HIKESHI: variants seen among roughly 807,000 people sequenced by gnomAD.
The protein encoded by HIKESHI is heat shock protein nuclear import factor hikeshi.
A neutral mutation model predicts 25.7 loss-of-function variants in HIKESHI; 13 were observed. The ratio of observed to expected loss-of-function variants is 0.51; its 90% CI spans 0.33 to 0.80. HIKESHI has a LOEUF of 0.80. Among genes scored for constraint, HIKESHI ranks in the 30% least tolerant of loss-of-function variants. The pLI, the probability that HIKESHI is intolerant of heterozygous loss-of-function variation, is 0.02. For synonymous variants in HIKESHI, 76 were observed against 78.7 expected, an observed-to-expected ratio of 0.97 and a Z score of 0.18; for missense variants, 174 against 229.5, an observed-to-expected ratio of 0.76 and a Z score of 1.56.
At chr11:86,328,424 A>C (rs1947338350) in intron 2 of HIKESHI, among the ~76,000 whole-genome samples, 1 of 149,352 alleles carries the variant, frequency 6.7e-6, no homozygotes, top group Non-Finnish European at 1.5e-5. Flanking sequence ...ATGCGCAGCT[A>C]ATGTTTTTTG....
chr11:86,302,861 G>C (rs1946532352), intron 1 of HIKESHI, among the ~76,000 whole-genome samples: 1 of 152,202 alleles, frequency 6.6e-6, no homozygotes, highest in South Asian at 2.1e-4. Flanking sequence ...TCAATCGCCA[G>C]TATAAATACC....
intron 3 of HIKESHI, among the ~76,000 whole-genome samples, chr11:86,341,230 T>A (rs1180598043): frequency 6.6e-6 from 1 of 152,248 alleles, no homozygotes; most frequent in African/African-American, 2.4e-5. Flanking sequence ...TCAGTATACA[T>A]TTTTGTTAAA....
chr11:86,328,198 A>C (rs578140992), intron 2 of HIKESHI, among the ~76,000 whole-genome samples: 5 of 152,260 alleles, frequency 3.3e-5, no homozygotes, highest in East Asian at 1.9e-4. Flanking sequence ...TTCATTTACT[A>C]TTCTAAGTGT....
intron 2 of HIKESHI, among the ~76,000 whole-genome samples, chr11:86,336,207 T>C (rs571054265): frequency 6.6e-6 from 1 of 152,254 alleles, no homozygotes; most frequent in Admixed American, 6.5e-5. Flanking sequence ...AGCAGACCCT[T>C]AGAGACCTGT....
intron 2 of HIKESHI, among the ~76,000 whole-genome samples, chr11:86,313,820 G>C (rs1228183538): frequency 6.6e-6 from 1 of 152,188 alleles, no homozygotes; most frequent in Non-Finnish European, 1.5e-5. Context: ...TGGAGGAGGT[G>C]ATATTGGAGC....
intron 2 of HIKESHI, among the ~76,000 whole-genome samples, chr11:86,308,801 T>A (rs1946755167): frequency 6.6e-6 from 1 of 151,992 alleles, no homozygotes; most frequent in Non-Finnish European, 1.5e-5. Flanking sequence ...TTCCCACCTA[T>A]GAGTGAGAAC....
At chr11:86,340,531 T>C (rs1448384847) in intron 3 of HIKESHI, among the ~76,000 whole-genome samples, 1 of 152,278 alleles carries the variant, frequency 6.6e-6, no homozygotes, top group Non-Finnish European at 1.5e-5. Context: ...CATGTATCTG[T>C]TGGCTGCATA....
At chr11:86,335,943 C>T (rs1947546253) in intron 2 of HIKESHI, among the ~76,000 whole-genome samples, 1 of 152,134 alleles carries the variant, frequency 6.6e-6, no homozygotes, top group African/African-American at 2.4e-5. Flanking sequence ...AAACTTCCCC[C>T]AGGGAAGCAC....
chr11:86,318,228 C>A (rs929343363), intron 2 of HIKESHI, among the ~76,000 whole-genome samples: 1 of 135,658 alleles, frequency 7.4e-6, no homozygotes, highest in Non-Finnish European at 1.5e-5. Flanking sequence ...GGCGTGAACC[C>A]GGGAGACGGA....
intron 2 of HIKESHI, among the ~76,000 whole-genome samples, chr11:86,313,840 G>C (rs901324907): frequency 9.2e-5 from 14 of 152,320 alleles, no homozygotes; most frequent in African/African-American, 3.4e-4. Context: ...CTCTTTGGCA[G>C]ACAAGTAGGA....
chr11:86,306,802 T>G (rs1946636623), intron 2 of HIKESHI, among the ~76,000 whole-genome samples: 1 of 151,242 alleles, frequency 6.6e-6, no homozygotes, highest in Non-Finnish European at 1.5e-5. Flanking sequence ...ATCGAGACCA[T>G]CCTGGATAAC....
At chr11:86,315,958 C>G (rs1946966878) in intron 2 of HIKESHI, among the ~76,000 whole-genome samples, 1 of 151,868 alleles carries the variant, frequency 6.6e-6, no homozygotes, top group Non-Finnish European at 1.5e-5. Flanking sequence ...AATATTGATT[C>G]TCCTTACAAG....
Position 86,306,297 on chromosome 11 carries a change from C to A in HIKESHI, c.83C>A (p.Pro28His). The change falls in exon 2 of 5, where the codon CCT (proline) becomes CAT (histidine). Residue 28 changes from proline to histidine, a missense_variant. Transcript: ENST00000278483. ...VAEDKFVFDL[P>H]DYESINHVVV... is the part of the protein sequence containing the mutation. ...GAGGATAAATTTGTTTTTGACTTAC[C>A]TGATTATGAAAGTATCAACCATGTT... 6.2e-7 allele frequency: 1 copy of A among 1,613,992 alleles called. No homozygotes were observed. Among genetic ancestry groups the A allele is most frequent in the Non-Finnish European group, 8.5e-7 (1 of 1,179,936 alleles).
At chr11:86,302,918 C>T (rs1168992978) in intron 1 of HIKESHI, among the ~76,000 whole-genome samples, 1 of 152,102 alleles carries the variant, frequency 6.6e-6, no homozygotes, top group Non-Finnish European at 1.5e-5. Context: ...TGAATTTGGT[C>T]TATAGCAAAC....
chr11:86,308,725 A>G (rs1302927905), intron 2 of HIKESHI, among the ~76,000 whole-genome samples: 2 of 151,298 alleles, frequency 1.3e-5, no homozygotes, highest in African/African-American at 4.9e-5. Flanking sequence ...CCCACTCCCC[A>G]CACCCCACAA....
chr11:86,326,038 C>T (rs773762639), intron 2 of HIKESHI, among the ~76,000 whole-genome samples: 1 of 152,184 alleles, frequency 6.6e-6, no homozygotes, highest in Non-Finnish European at 1.5e-5. Flanking sequence ...TGGCTCACGC[C>T]TGTAATCCCA....
intron 2 of HIKESHI, chr11:86,326,562 G>A (rs1947287593): frequency 2.2e-6 from 1 of 456,154 alleles, no homozygotes; most frequent in East Asian, 6.9e-5. Flanking sequence ...CTGCATGTGT[G>A]TGTGAATATT....
At chr11:86,316,341 G>C (rs531544528) in intron 2 of HIKESHI, among the ~76,000 whole-genome samples, 6 of 149,950 alleles carry the variant, frequency 4.0e-5, no homozygotes, top group African/African-American at 1.2e-4. Context: ...GTAAAACCCC[G>C]TCTCCACTAA....
rs35545393 is a variant in HIKESHI at position 86,304,512 on chromosome 11, CT to C, written c.31-1711del. 2.2e-3 allele frequency among the ~76,000 whole-genome samples: 248 copies of C among 112,540 alleles called. No individual in the cohort carries two copies. In the Middle Eastern group the frequency reaches 0.023, roughly 10 times the overall value. 73.8% of individuals were successfully genotyped at this position (112,540 alleles called of 152,430 possible). ...GCCAGTGTGTGAGTTGCACAACTCA[CT>C]TTTTTTTTTTTTTTTTTTTTTGAGA... On this transcript the variant is annotated intron_variant, in intron 1 of 4. Coordinates refer to ENST00000278483, the MANE Select transcript of HIKESHI (RefSeq NM_016401.4).
Sources: gnomAD v4.1 joint callset for allele counts (sites outside exome capture counted in the v4.1 genomes callset) on GRCh38, gnomAD v4.1.1 for gene constraint, MANE v1.5 for transcripts, NCBI Gene and HGNC (gene_info 2026-07-23, HGNC 2026-07-21) for gene names.